RIGI: variants seen among roughly 807,000 people sequenced by gnomAD.
The protein encoded by RIGI is RNA sensor RIG-I.
At chr9:32,501,508 A>C in the RIGI span, among the ~76,000 whole-genome samples, 8 of 152,148 alleles carry the variant, frequency 5.3e-5, no homozygotes, top group East Asian at 3.9e-4. Context: ...TTGTCTTGAA[A>C]TAGGACAAAG....
chr9:32,517,761 C>A, the RIGI span, among the ~76,000 whole-genome samples: 2 of 152,106 alleles, frequency 1.3e-5, no homozygotes, highest in Middle Eastern at 3.4e-3. Flanking sequence ...AAAATGCCCA[C>A]GTATTAATTT....
At chr9:32,480,379 A>G in the RIGI span, 14 of 1,567,166 alleles carry the variant, frequency 8.9e-6, no homozygotes, top group East Asian at 1.4e-4. Flanking sequence ...AACTGTCTCA[A>G]TATGCTTCCA....
chr9:32,474,476 A>AT, the RIGI span, among the ~76,000 whole-genome samples: 1 of 152,184 alleles, frequency 6.6e-6, no homozygotes, highest in Non-Finnish European at 1.5e-5. Flanking sequence ...AACAGATGCA[A>AT]TGTGGCATCA....
At chr9:32,458,123 C>T in the RIGI span, among the ~76,000 whole-genome samples, 242 of 152,294 alleles carry the variant, frequency 1.6e-3, 1 homozygote, top group African/African-American at 5.6e-3. Flanking sequence ...ACGGAACATC[C>T]TGAAGTAATA....
the RIGI span, among the ~76,000 whole-genome samples, chr9:32,503,935 G>A: frequency 6.6e-6 from 1 of 151,936 alleles, no homozygotes; most frequent in South Asian, 2.1e-4. Context: ...CCAGCTACTC[G>A]GGAGGCTGAG....
the RIGI span, chr9:32,459,514 T>G: frequency 3.1e-6 from 5 of 1,600,818 alleles, no homozygotes; most frequent in East Asian, 1.1e-4. Context: ...ATATGCAGAA[T>G]CTAATGCAAA....
chr9:32,488,943 T>TG, the RIGI span: 1 of 1,463,472 alleles, frequency 6.8e-7, no homozygotes, highest in Non-Finnish European at 9.2e-7. Flanking sequence ...GATATTTCTC[T>TG]GGAAAGGTGT....
the RIGI span, chr9:32,487,447 G>A: frequency 6.2e-7 from 1 of 1,611,128 alleles, no homozygotes; most frequent in Non-Finnish European, 8.5e-7. Flanking sequence ...GAATCTCAAA[G>A]GCTTGTTATT....
At chr9:32,456,282 T>A in the RIGI span, 1 of 152,218 alleles carries the variant, frequency 6.6e-6, no homozygotes, top group South Asian at 2.1e-4. Context: ...AAGAAGTATT[T>A]TATCATTTTT....
At chr9:32,495,280 C>A in the RIGI span, among the ~76,000 whole-genome samples, 1 of 152,154 alleles carries the variant, frequency 6.6e-6, no homozygotes, top group Non-Finnish European at 1.5e-5. Context: ...CGGCTCACTG[C>A]AAACTCTGCC....
chr9:32,498,376 T>TG, the RIGI span: 1 of 456,656 alleles, frequency 2.2e-6, no homozygotes, highest in South Asian at 1.5e-5. Flanking sequence ...TTGGTCACCC[T>TG]ATTCAGCATA....
the RIGI span, among the ~76,000 whole-genome samples, chr9:32,459,014 G>A: frequency 8.0e-5 from 12 of 149,850 alleles, no homozygotes; most frequent in Admixed American, 1.4e-4. Flanking sequence ...TCAGCCTCCC[G>A]AGTAACTAAG....
the RIGI span, among the ~76,000 whole-genome samples, chr9:32,482,815 C>T: frequency 1.5e-4 from 22 of 151,612 alleles, no homozygotes; most frequent in East Asian, 1.9e-3. Context: ...ACCGAGATCA[C>T]GTCACTGTAC....
the RIGI span, among the ~76,000 whole-genome samples, chr9:32,519,040 A>G: frequency 6.6e-6 from 1 of 152,180 alleles, no homozygotes; most frequent in Non-Finnish European, 1.5e-5. Context: ...CACAAAATAT[A>G]TAGTGGTATT....
chr9:32,500,429 C>T, the RIGI span, among the ~76,000 whole-genome samples: 3 of 152,124 alleles, frequency 2.0e-5, no homozygotes, highest in East Asian at 5.8e-4. Flanking sequence ...TCCATTCAGA[C>T]CTTATACATC....
chr9:32,469,043 A>C, the RIGI span, among the ~76,000 whole-genome samples: 1 of 152,182 alleles, frequency 6.6e-6, no homozygotes, highest in Non-Finnish European at 1.5e-5. Context: ...ATTTCTCATC[A>C]ATGGACCAGA....
the RIGI span, among the ~76,000 whole-genome samples, chr9:32,522,004 G>C: frequency 6.6e-6 from 1 of 152,146 alleles, no homozygotes; most frequent in African/African-American, 2.4e-5. Context: ...AAGGAGTCTT[G>C]AATGCAGATT....
At chr9:32,459,385 C>A in the RIGI span, 1 of 1,613,616 alleles carries the variant, frequency 6.2e-7, no homozygotes, top group South Asian at 1.1e-5. Flanking sequence ...ATCACTCTTA[C>A]GTCAGCTGTG....
At chr9:32,485,450 A>G in the RIGI span, 1 of 650,460 alleles carries the variant, frequency 1.5e-6, no homozygotes, top group African/African-American at 1.8e-5. Flanking sequence ...GATACAACAA[A>G]TGCTCAAAAT....
Sources: allele counts gnomAD v4.1 joint callset (sites outside exome capture counted in the v4.1 genomes callset), GRCh38; gene constraint gnomAD v4.1.1; transcripts MANE v1.5; gene names NCBI Gene and HGNC (gene_info 2026-07-23, HGNC 2026-07-21).